Variants in PPP3CA observed in about 807,000 individuals in gnomAD.
The protein encoded by PPP3CA is CAM-PRP catalytic subunit.
A neutral mutation model predicts 66.5 loss-of-function variants in PPP3CA; 14 were observed. The observed-to-expected ratio is 0.21, with a 90% CI of 0.14 to 0.33. PPP3CA has a LOEUF of 0.33. PPP3CA is among the 10% of genes least tolerant of loss of function. The pLI, the probability that PPP3CA is intolerant of heterozygous loss-of-function variation, is 1.00. For synonymous variants in PPP3CA, 232 were observed against 226.2 expected (o/e 1.03, Z -0.23); for missense variants, 317 against 639.5 (o/e 0.50, Z 5.44).
chr4:101,223,207 T>G (rs1340620713), intron 1 of PPP3CA, among the ~76,000 whole-genome samples: 4 of 151,804 alleles, frequency 2.6e-5, no homozygotes, highest in Non-Finnish European at 5.9e-5. Flanking sequence ...ATTGATTCCC[T>G]AGGTGAGAGA....
At chr4:101,075,819 G>A (rs1407283114) in intron 8 of PPP3CA, among the ~76,000 whole-genome samples, 1 of 151,910 alleles carries the variant, frequency 6.6e-6, no homozygotes, top group African/African-American at 2.4e-5. Context: ...TTTCTTTGTT[G>A]CTTTTTCCAA....
In PPP3CA at chr4:101,107,625, A is replaced by C. The variant is rs143739517; in HGVS notation, c.384+1329T>G. ...TGTTGGCGGAAATACATATATGTCT[A>C]CATAAACTTTTCTGTGTCTGCGTGT... On this transcript the variant is annotated intron_variant, in intron 3 of 13. Transcript: ENST00000394854. Among the ~76,000 whole-genome samples the C allele has an allele frequency of 2.1e-3, 323 of 152,372 alleles. 1 individual carries two copies. The highest frequency in any genetic ancestry group is 2.6e-3 in the Non-Finnish European group (176 of 68,040).
intron 2 of PPP3CA, among the ~76,000 whole-genome samples, chr4:101,114,556 C>T (rs986111765): frequency 1.3e-5 from 2 of 152,072 alleles, no homozygotes; most frequent in East Asian, 1.9e-4. Flanking sequence ...TCTAAACAAA[C>T]GGTGGCAAGA....
chr4:101,274,663 T>A (rs1044037531), intron 1 of PPP3CA, among the ~76,000 whole-genome samples: 2 of 152,204 alleles, frequency 1.3e-5, no homozygotes, highest in Non-Finnish European at 2.9e-5. Flanking sequence ...ATGAAAGTCA[T>A]GGATTACATA....
In PPP3CA at chr4:101,183,753, G is replaced by A. The variant is rs569882917; in HGVS notation, c.259+12163C>T. Among the ~76,000 whole-genome samples the A allele has an allele frequency of 2.0e-5, 3 of 152,158 alleles. No individual in the cohort carries two copies. The South Asian group carries it at 6.2e-4, about 32-fold the overall frequency. ...CTTGATCCAAGTTTTTTTATTTGATGTTGTGTGAAAGACAGACTGGAAGCT... is the reference window on the plus strand; with the variant it reads ...CTTGATCCAAGTTTTTTTATTTGATATTGTGTGAAAGACAGACTGGAAGCT... On this transcript the variant is annotated intron_variant, in intron 2 of 13. Transcript: ENST00000394854.
At position 101,303,202 on chromosome 4, in the gene PPP3CA, G is replaced by A. The variant is rs116677107; in HGVS notation, c.58+43537C>T. Among the ~76,000 whole-genome samples the A allele has an allele frequency of 3.0e-3, 451 of 152,182 alleles. 4 individuals are homozygous for A. The highest frequency in any genetic ancestry group is 0.01 in the African/African-American group (428 of 41,518). ...TGTAATTCTGACTCATTTCAAAATA[G>A]CATGTTTCCCTAAAGTAAAATGGCC... On this transcript the variant is annotated intron_variant, in intron 1 of 13. Coordinates refer to ENST00000394854, the MANE Select transcript of PPP3CA (RefSeq NM_000944.5).
chr4:101,131,073 C>T (rs967170776), intron 2 of PPP3CA, among the ~76,000 whole-genome samples: 1 of 151,774 alleles, frequency 6.6e-6, no homozygotes, highest in Non-Finnish European at 1.5e-5. Flanking sequence ...CCCGTCTCTA[C>T]TAAGAACGCA....
chr4:101,095,615 T>C (rs1730160955), intron 5 of PPP3CA, among the ~76,000 whole-genome samples: 1 of 152,236 alleles, frequency 6.6e-6, no homozygotes, highest in East Asian at 1.9e-4. Flanking sequence ...AAAAAATCCA[T>C]CAGATTACAG....
intron 1 of PPP3CA, among the ~76,000 whole-genome samples, chr4:101,289,731 C>A (rs1466872109): frequency 6.6e-6 from 1 of 151,920 alleles, no homozygotes; most frequent in African/African-American, 2.4e-5. Flanking sequence ...TTTAAACTTA[C>A]CTTTCATTTT....
At chr4:101,056,167 G>A (rs1180940740) in intron 10 of PPP3CA, among the ~76,000 whole-genome samples, 1 of 151,830 alleles carries the variant, frequency 6.6e-6, no homozygotes, top group African/African-American at 2.4e-5. Flanking sequence ...TCAACTTACT[G>A]AGTCTGGATC....
At chr4:101,176,768 T>C (rs935582117) in intron 2 of PPP3CA, among the ~76,000 whole-genome samples, 11 of 152,000 alleles carry the variant, frequency 7.2e-5, no homozygotes, top group African/African-American at 2.2e-4. Context: ...GTGACTAAAA[T>C]ACAACTACTG....
chr4:101,087,199 T>C (rs959469767), intron 6 of PPP3CA, among the ~76,000 whole-genome samples: 1 of 152,230 alleles, frequency 6.6e-6, no homozygotes, highest in Non-Finnish European at 1.5e-5. Flanking sequence ...GTTTCTTTTT[T>C]GTCCCAGGGT....
chr4:101,221,188 A>C (rs1361021633), intron 1 of PPP3CA, among the ~76,000 whole-genome samples: 2 of 151,582 alleles, frequency 1.3e-5, no homozygotes, highest in African/African-American at 2.4e-5. Flanking sequence ...CCAAGTGTAC[A>C]TTGTGTAAAG....
At chr4:101,063,449 A>C in intron 8 of PPP3CA, 92 bp from the exon 9 acceptor site, 1 of 1,431,852 alleles carries the variant, frequency 7.0e-7, no homozygotes, top group Non-Finnish European at 9.4e-7. Context: ...CAACCATTTG[A>C]CTGAAGTTCC....
intron 5 of PPP3CA, among the ~76,000 whole-genome samples, chr4:101,096,711 C>T (rs1057076160): frequency 6.6e-6 from 1 of 152,154 alleles, no homozygotes; most frequent in Non-Finnish European, 1.5e-5. Flanking sequence ...AACTACTATA[C>T]TTATTTGTAA....
chr4:101,290,619 T>C (rs1727993248), intron 1 of PPP3CA, among the ~76,000 whole-genome samples: 1 of 152,180 alleles, frequency 6.6e-6, no homozygotes. Context: ...GCATACACCC[T>C]CGTGAAGCTT....
At chr4:101,332,454 C>G (rs897280889) in intron 1 of PPP3CA, among the ~76,000 whole-genome samples, 4 of 152,186 alleles carry the variant, frequency 2.6e-5, no homozygotes, top group Admixed American at 6.5e-5. Context: ...TGTCAAATAT[C>G]ACAGAAACCA....
chr4:101,091,864 T>TAATAAA (rs57499108), intron 6 of PPP3CA, among the ~76,000 whole-genome samples: 3 of 139,236 alleles, frequency 2.2e-5, no homozygotes, highest in Admixed American at 1.4e-4. Flanking sequence ...ATAATAATAA[T>TAATAAA]GAAGAAGAGG....
chr4:101,256,712 G>GT (rs1407260552), intron 1 of PPP3CA, among the ~76,000 whole-genome samples: 1 of 151,986 alleles, frequency 6.6e-6, no homozygotes, highest in Non-Finnish European at 1.5e-5. Context: ...TTTTGGGAAT[G>GT]TTTACAAGTA....
Sources: gnomAD v4.1 joint callset for allele counts (sites outside exome capture counted in the v4.1 genomes callset) on GRCh38, gnomAD v4.1.1 for gene constraint, MANE v1.5 for transcripts, NCBI Gene and HGNC (gene_info 2026-07-23, HGNC 2026-07-21) for gene names.